The following LINGO2 variants were observed in gnomAD, a reference collection of about 807,000 sequenced individuals.
The protein encoded by LINGO2 is leucine-rich repeat and immunoglobulin-like domain-containing nogo receptor-interacting protein 2.
LINGO2 carries 14 observed loss-of-function variants against 30.6 expected under a neutral mutation model. The observed-to-expected ratio is 0.46, with a 90% CI of 0.30 to 0.72. The LOEUF (loss-of-function observed/expected upper bound fraction) is 0.72. LINGO2 is among the 30% of genes least tolerant of loss of function. LINGO2 has a pLI of 0.07. For missense variants in LINGO2, 729 were observed against 751.7 expected (o/e 0.97, Z 0.35); for synonymous variants, 317 against 288.5 (o/e 1.10, Z -1.00).
chr9:28,020,082 C>T (rs1218524869), intron 4 of LINGO2, among the ~76,000 whole-genome samples: 2 of 152,190 alleles, frequency 1.3e-5, no homozygotes, highest in Non-Finnish European at 2.9e-5. Flanking sequence ...AGAAACACTA[C>T]ACTAGATGAT....
chr9:28,484,868 C>T (rs1009519987), intron 1 of LINGO2, among the ~76,000 whole-genome samples: 11 of 151,996 alleles, frequency 7.2e-5, no homozygotes, highest in African/African-American at 2.7e-4. Flanking sequence ...TGTGAGCAAC[C>T]CACAGACAAC....
At chr9:28,474,244 G>A (rs1444152989) in intron 2 of LINGO2, among the ~76,000 whole-genome samples, 1 of 152,146 alleles carries the variant, frequency 6.6e-6, no homozygotes. Flanking sequence ...CCCCTTCAAT[G>A]TAGTGTGCAA....
chr9:28,259,497 T>A (rs2134039582), intron 4 of LINGO2, among the ~76,000 whole-genome samples: 1 of 151,846 alleles, frequency 6.6e-6, no homozygotes, highest in South Asian at 2.1e-4. Flanking sequence ...TCTGAGTTGG[T>A]GAGCCATACA....
chr9:27,979,603 C>T (rs1004580834), intron 5 of LINGO2, among the ~76,000 whole-genome samples: 5 of 151,728 alleles, frequency 3.3e-5, no homozygotes, highest in African/African-American at 4.8e-5. Flanking sequence ...TAGTAATCTA[C>T]GTGAATGAAA....
the LINGO2 span, among the ~76,000 whole-genome samples, chr9:28,767,260 A>G: frequency 6.6e-6 from 1 of 152,196 alleles, no homozygotes; most frequent in African/African-American, 2.4e-5. Context: ...TACTAAAAAA[A>G]GGTATGAGGA....
chr9:29,209,429 G>C, the LINGO2 span, among the ~76,000 whole-genome samples: 1 of 151,900 alleles, frequency 6.6e-6, no homozygotes, highest in Non-Finnish European at 1.5e-5. Context: ...AGTAAATTAT[G>C]GACTGACCAT....
the LINGO2 span, among the ~76,000 whole-genome samples, chr9:29,067,612 T>C: frequency 6.6e-6 from 1 of 151,332 alleles, no homozygotes; most frequent in South Asian, 2.1e-4. Context: ...GAAAAATAAA[T>C]GTCAGTGTGC....
At chr9:28,298,099 C>T (rs886906562) in intron 3 of LINGO2, among the ~76,000 whole-genome samples, 1 of 152,108 alleles carries the variant, frequency 6.6e-6, no homozygotes, top group African/African-American at 2.4e-5. Context: ...CTGTCACCAA[C>T]TTTCATTATG....
chr9:28,691,836 T>C, the LINGO2 span, among the ~76,000 whole-genome samples: 4 of 152,170 alleles, frequency 2.6e-5, no homozygotes, highest in Non-Finnish European at 4.4e-5. Context: ...TCCTACTATA[T>C]GCCAAAGCAT....
intron 4 of LINGO2, among the ~76,000 whole-genome samples, chr9:28,064,060 A>G (rs1187813600): frequency 6.6e-6 from 1 of 152,180 alleles, no homozygotes; most frequent in Non-Finnish European, 1.5e-5. Context: ...ATTTTACATA[A>G]AGAAACCAGA....
intron 1 of LINGO2, among the ~76,000 whole-genome samples, chr9:28,613,820 C>G (rs1299209774): frequency 6.6e-6 from 1 of 152,064 alleles, no homozygotes; most frequent in Admixed American, 6.6e-5. Context: ...CAGCCACAGA[C>G]AAGAAGTTTA....
the LINGO2 span, among the ~76,000 whole-genome samples, chr9:28,990,217 C>G: frequency 1.3e-5 from 2 of 152,178 alleles, no homozygotes; most frequent in South Asian, 2.1e-4. Context: ...GCATCCGGCT[C>G]GGAGGGTCCT....
At chr9:27,981,787 C>T (rs1820891066) in intron 5 of LINGO2, among the ~76,000 whole-genome samples, 1 of 151,420 alleles carries the variant, frequency 6.6e-6, no homozygotes, top group Non-Finnish European at 1.5e-5. Flanking sequence ...GAGATTGGTC[C>T]CTTGGTTTTT....
At chr9:28,529,849 G>C (rs1208736258) in intron 1 of LINGO2, among the ~76,000 whole-genome samples, 1 of 151,984 alleles carries the variant, frequency 6.6e-6, no homozygotes, top group Non-Finnish European at 1.5e-5. Flanking sequence ...AGTGTGAAAA[G>C]AGCTCTAAAT....
intron 1 of LINGO2, among the ~76,000 whole-genome samples, chr9:28,572,626 T>C (rs1823751970): frequency 6.6e-6 from 1 of 152,078 alleles, no homozygotes; most frequent in Non-Finnish European, 1.5e-5. Context: ...TTGAAGGATT[T>C]AAGGGGAAAT....
the LINGO2 span, among the ~76,000 whole-genome samples, chr9:28,692,146 C>A: frequency 9.2e-5 from 14 of 152,080 alleles, no homozygotes; most frequent in African/African-American, 1.4e-4. Flanking sequence ...TTCCTAGGTA[C>A]TCTCTTGCCT....
At chr9:28,777,234 T>C in the LINGO2 span, among the ~76,000 whole-genome samples, 2 of 152,162 alleles carry the variant, frequency 1.3e-5, no homozygotes, top group Non-Finnish European at 2.9e-5. Context: ...ATTAATACAC[T>C]CAGTAAATAT....
At chr9:28,236,981 C>G (rs1190701850) in intron 4 of LINGO2, among the ~76,000 whole-genome samples, 1 of 151,734 alleles carries the variant, frequency 6.6e-6, no homozygotes, top group Non-Finnish European at 1.5e-5. Flanking sequence ...CATGTCTATA[C>G]CAGAATATCT....
chr9:28,242,842 T>C (rs550709893), intron 4 of LINGO2, among the ~76,000 whole-genome samples: 3 of 152,286 alleles, frequency 2.0e-5, no homozygotes, highest in Admixed American at 2.0e-4. Flanking sequence ...GAAAAGAATT[T>C]TCAACCTGGA....
Sources: allele counts gnomAD v4.1 joint callset (sites outside exome capture counted in the v4.1 genomes callset), GRCh38; gene constraint gnomAD v4.1.1; transcripts MANE v1.5; gene names NCBI Gene and HGNC (gene_info 2026-07-23, HGNC 2026-07-21).